Variants in COL7A1 observed in about 807,000 individuals in gnomAD.
The protein encoded by COL7A1 is collagen type VII alpha 1 chain.
Under a neutral mutation model 456.2 loss-of-function variants are expected in COL7A1, and 296 were observed. That is an observed-to-expected ratio of 0.65 (90% confidence interval 0.59 to 0.71). The LOEUF is 0.71. COL7A1 is among the 30% of genes least tolerant of loss of function. The probability of loss-of-function intolerance (pLI) is 0.00; values close to 1 mark genes in which losing one functional copy is unlikely to be tolerated. For synonymous variants in COL7A1, 1,464 were observed against 1,525.9 expected (o/e 0.96, Z 0.95); for missense variants, 3,441 against 4,017.2 (o/e 0.86, Z 3.88).
In COL7A1 at chr3:48,571,378, T is replaced by C. The variant is rs1449765608; in HGVS notation, c.7069-100A>G. The C allele has an allele frequency of 6.9e-7, 1 of 1,453,832 alleles. No homozygotes were observed. The highest frequency in any genetic ancestry group is 9.6e-7 in the Non-Finnish European group (1 of 1,042,510). The allele number at this position is 1,453,832 out of a possible 1,614,324, so 90.1% of individuals were successfully genotyped here. A position where few individuals can be genotyped will look rare whatever the true frequency, so the allele number is the denominator to read the frequency against. ...TCCCAGGGGAGTTCTGATGTGACCA[T>C]GAACACATGGGAACTCAGACATGCG... On this transcript the variant is annotated intron_variant, in intron 92 of 118. Coordinates refer to ENST00000681320, the MANE Select transcript of COL7A1 (RefSeq NM_000094.4). The surrounding 1 kb of genome is among the most constrained non-coding windows in gnomAD (Gnocchi z 4.6).
rs2045837060 is a variant in COL7A1 at position 48,593,204 on chromosome 3, A to C, written c.580T>G (p.Phe194Val). The change falls in exon 6 of 119, where the codon TTC becomes GTC. Residue 194 changes from phenylalanine (F) to valine (V), a missense_variant. This residue lies in a region of COL7A1 where 913 missense variants were observed against 1,088.2 expected (regional missense o/e 0.84). Transcript: ENST00000681320. This position sits in a 1 kb window ranked among gnomAD's most constrained non-coding sequence, Gnocchi z 4.4. ...KRVASQPTSD[F>V]FFFVNDFSIL... ...CTGAAGTCATTGACGAAGAAGAAGA[A>C]GTCACTGGTGGGCTGTGAGGCAACT... The C allele has an allele frequency of 1.2e-6, 2 of 1,614,016 alleles. No individual in the cohort carries two copies. Among genetic ancestry groups the C allele is most frequent in the Non-Finnish European group, 1.7e-6 (2 of 1,180,024 alleles).
chr3:48,591,700 C>T lies in COL7A1; in HGVS notation c.1480G>A (p.Ala494Thr), dbSNP rs770343314. The change falls in exon 12 of 119, where the codon GCC becomes ACC. Residue 494 changes from alanine (A) to threonine (T), a missense_variant. Ala to Thr is a moderately conservative substitution (Grantham distance 58, BLOSUM62 0). Around this residue, in one of 3 missense-constraint regions of COL7A1, gnomAD observed 913 missense variants for 1,088.2 expected, o/e 0.84. Transcript: ENST00000681320. This position sits in a 1 kb window ranked among gnomAD's most constrained non-coding sequence, Gnocchi z 7.0. ...LYTLLEGHEV[A>T]TPATVVPTGP... is the part of the protein sequence containing the mutation. ...GTGGGAACCACGGTTGCAGGGGTGG[C>T]CACCTCGTGGCCCTCCAGCAGAGTG... The T allele has an allele frequency of 1.1e-5, 18 of 1,614,070 alleles. No homozygotes were observed. Among genetic ancestry groups the T allele is most frequent in the Non-Finnish European group, 1.5e-5 (18 of 1,180,010 alleles).
In COL7A1 at chr3:48,583,292, C is replaced by T; in HGVS notation, c.4437+101G>A. 1 of 1,606,822 alleles carries T rather than the reference C, an allele frequency of 6.2e-7. No homozygotes were observed. The highest frequency in any genetic ancestry group is 8.5e-7 in the Non-Finnish European group (1 of 1,174,688). ...CCCCCTCCAAAACCACGACCTCTGACCTGGAGGGAACTCTTATCTCCTTAT... is the reference window on the plus strand; with the variant it reads ...CCCCCTCCAAAACCACGACCTCTGATCTGGAGGGAACTCTTATCTCCTTAT... On this transcript the variant is annotated intron_variant, in intron 42 of 118. Transcript: ENST00000681320. This position sits in a 1 kb window ranked among gnomAD's most constrained non-coding sequence, Gnocchi z 5.1.
rs766585624 is a variant in COL7A1 at position 48,566,746 on chromosome 3, C to T, written c.8227-9G>A. The T allele has an allele frequency of 1.1e-5, 17 of 1,613,472 alleles. No individual in the cohort carries two copies. The highest frequency in any genetic ancestry group is 1.7e-5 in the Admixed American group (1 of 59,998). On this transcript the variant is annotated splice_polypyrimidine_tract_variant and intron_variant, in intron 111 of 118. Transcript: ENST00000681320. This position sits in a 1 kb window ranked among gnomAD's most constrained non-coding sequence, Gnocchi z 5.9. The stretch of plus-strand genomic sequence containing the variant: ...GGGGGACCTCGCTCACCCTGTCAGA[C>T]ACAGGGACCAAGTGAGCAGGGTCAG...
Position 48,590,589 on chromosome 3 carries a change from G to A in COL7A1, c.1781-5C>T. ...CAGCAAGTGGAGTTTCCGGCTCTAG[G>A]AGTTACAGACAGAAGTCAGAAGTCA... is the stretch of plus-strand genomic sequence containing the variant. On this transcript the variant is annotated splice_region_variant and splice_polypyrimidine_tract_variant and intron_variant, in intron 14 of 118. Coordinates refer to ENST00000681320, the MANE Select transcript of COL7A1 (RefSeq NM_000094.4). This position sits in a 1 kb window ranked among gnomAD's most constrained non-coding sequence, Gnocchi z 4.6. The A allele has an allele frequency of 3.1e-6, 5 of 1,614,100 alleles. No individual in the cohort carries two copies. Among genetic ancestry groups the A allele is most frequent in the Non-Finnish European group, 4.2e-6 (5 of 1,180,030 alleles).
In COL7A1 at chr3:48,564,156, A is replaced by T; in HGVS notation, c.*250T>A. On this transcript the variant is annotated 3_prime_UTR_variant, in exon 119 of 119. Transcript: ENST00000681320. This position sits in a 1 kb window ranked among gnomAD's most constrained non-coding sequence, Gnocchi z 6.0. Reference sequence around the variant, plus strand: ...TGGGTCAAGGGGCGGGTCAGACGCCAGTCACATCCGCTCACTGCCCACAGC... The same window carrying T: ...TGGGTCAAGGGGCGGGTCAGACGCCTGTCACATCCGCTCACTGCCCACAGC... The T allele has an allele frequency of 1.7e-6, 1 of 595,702 alleles. No individual in the cohort carries two copies. Among genetic ancestry groups the T allele is most frequent in the South Asian group, 1.8e-5 (1 of 54,644 alleles). The allele number at this position is 595,702 out of a possible 1,614,324, so 36.9% of individuals were successfully genotyped here.
chr3:48,593,798 T>C lies in COL7A1; in HGVS notation c.267-102A>G. ...TGAGGGTTACGGGTATCAGGCTCTC[T>C]TGAGGGGTCCCTTCGTTCTGTCATT... On this transcript the variant is annotated intron_variant, in intron 3 of 118. Transcript: ENST00000681320. This position sits in a 1 kb window ranked among gnomAD's most constrained non-coding sequence, Gnocchi z 4.4. 1 of 1,398,814 alleles carries C rather than the reference T, an allele frequency of 7.1e-7. No homozygotes were observed. Among genetic ancestry groups the C allele is most frequent in the Non-Finnish European group, 1.0e-6 (1 of 986,910 alleles). The allele number at this position is 1,398,814 out of a possible 1,614,324, so 86.7% of individuals were successfully genotyped here.
Position 48,572,396 on chromosome 3 carries a change from T to C in COL7A1, c.6962A>G (p.Asp2321Gly). The C allele has an allele frequency of 1.1e-5, 18 of 1,613,938 alleles. No individual in the cohort carries two copies. The highest frequency in any genetic ancestry group is 1.4e-5 in the Non-Finnish European group (17 of 1,179,978). ...EKGAPGGLAGDLVGEPGAKGD... is the reference protein window; with the variant it reads ...EKGAPGGLAGGLVGEPGAKGD... ...CCTACTTACCGGCTCACCCACCAGG[T>C]CTCCAGCAAGGCCTCCAGGGGCTCC... Residue 2321 changes from aspartate to glycine, a missense_variant, in exon 90 of 119, where the codon GAC (aspartate) becomes GGC (glycine). By Grantham distance (94) the Asp-to-Gly change is moderately conservative. Transcript: ENST00000681320. This position sits in a 1 kb window ranked among gnomAD's most constrained non-coding sequence, Gnocchi z 4.6.
chr3:48,580,130 C>T lies in COL7A1; in HGVS notation c.5098-73G>A. 6.3e-7 allele frequency: 1 copy of T among 1,590,674 alleles called. No homozygotes were observed. The highest frequency in any genetic ancestry group is 1.7e-5 in the Admixed American group (1 of 58,544). On this transcript the variant is annotated intron_variant, in intron 56 of 118. Transcript: ENST00000681320. This position sits in a 1 kb window ranked among gnomAD's most constrained non-coding sequence, Gnocchi z 4.5. ...CCATGGCTCTGGTTTGCCCCAGGCT[C>T]AACTCTGCCCCCAAGTTCCCCGAAG...
Position 48,566,513 on chromosome 3 carries a change from C to T in COL7A1, c.8355G>A (p.Leu2785=), listed in dbSNP as rs2107631218. The change falls in exon 113 of 119, where the codon CTG becomes CTA. Residue 2785 remains leucine (L), a synonymous_variant. Transcript: ENST00000681320. This position sits in a 1 kb window ranked among gnomAD's most constrained non-coding sequence, Gnocchi z 5.9. ...GCCCATCCAGGCCCACACTCACCGT[C>T]AGTGCAGCTTCTCCCTTCTCGCCTC... The part of the protein sequence containing the change: ...GPRGEKGEAA[L]TEDDIRGFVR... 1.9e-6 allele frequency: 3 copies of T among 1,614,080 alleles called. No homozygotes were observed. The highest frequency in any genetic ancestry group is 2.5e-6 in the Non-Finnish European group (3 of 1,180,018).
chr3:48,577,421 G>T (rs1408711701), intron 65 of COL7A1, among the ~76,000 whole-genome samples: 1 of 152,224 alleles, frequency 6.6e-6, no homozygotes, highest in African/African-American at 2.4e-5. Context: ...ATGGGCATGG[G>T]CTTATACATG....
chr3:48,584,983 C>G, intron 33 of COL7A1, 38 bp from the exon 34 acceptor site: 1 of 1,613,690 alleles, frequency 6.2e-7, no homozygotes, highest in Non-Finnish European at 8.5e-7. Flanking sequence ...GTCGGAGCCA[C>G]CCCACCCACT....
Position 48,585,047 on chromosome 3 carries a change from G to A in COL7A1, c.3964C>T (p.Pro1322Ser). 1 of 1,613,066 alleles carries A rather than the reference G, an allele frequency of 6.2e-7. No homozygotes were observed. Among genetic ancestry groups the A allele is most frequent in the Non-Finnish European group, 8.5e-7 (1 of 1,179,936 alleles). The change falls in exon 33 of 119, where the codon CCT (proline) becomes TCT (serine). Residue 1322 changes from proline to serine, a missense_variant. This residue lies in a region of COL7A1 where 2,084 missense variants were observed against 2,501.3 expected (regional missense o/e 0.83). Transcript: ENST00000681320. This position sits in a 1 kb window ranked among gnomAD's most constrained non-coding sequence, Gnocchi z 4.5. ...CAAGGCTTGCTCACCTTTAGGCCAG[G>A]GGCTCCAGGGGTCCCAGGATTCCCG... ...RAGNPGTPGA[P>S]GLKGSPGLPG...
Position 48,565,006 on chromosome 3 carries a change from G to C in COL7A1, c.8621-26C>G. ...CTGGGCCAATGGGGTCAAGTCAGCA[G>C]GGTTTGTGGGAATCAGAGAGGGTTG... On this transcript the variant is annotated intron_variant, in intron 117 of 118. Coordinates refer to ENST00000681320, the MANE Select transcript of COL7A1 (RefSeq NM_000094.4). The surrounding 1 kb of genome is among the most constrained non-coding windows in gnomAD (Gnocchi z 4.5). 6.2e-7 allele frequency: 1 copy of C among 1,614,036 alleles called. No homozygotes were observed. The highest frequency in any genetic ancestry group is 2.2e-5 in the East Asian group (1 of 44,878).
Position 48,587,746 on chromosome 3 carries a change from G to A in COL7A1, c.2857+47C>T, listed in dbSNP as rs200080609. ...CAGAGTCGGGGTGCAGGAAGTCAGG[G>A]TGGGTCATCAGCAGGGGAGGAGCAC... On this transcript the variant is annotated intron_variant, in intron 22 of 118. Transcript: ENST00000681320. This position sits in a 1 kb window ranked among gnomAD's most constrained non-coding sequence, Gnocchi z 6.1. The A allele has an allele frequency of 6.9e-5, 112 of 1,613,144 alleles. No individual in the cohort carries two copies. Among genetic ancestry groups the A allele is most frequent in the Non-Finnish European group, 8.6e-5 (102 of 1,179,874 alleles).
Position 48,590,320 on chromosome 3 carries a change from G to C in COL7A1, c.1943C>G (p.Thr648Ser). 6.2e-7 allele frequency: 1 copy of C among 1,614,142 alleles called. No homozygotes were observed. Among genetic ancestry groups the C allele is most frequent in the Non-Finnish European group, 8.5e-7 (1 of 1,180,006 alleles). Reference protein sequence around the residue: ...ESSQTLPPDSTATDITGLQPG... With the variant: ...ESSQTLPPDSSATDITGLQPG... ...CTGCAGCCCTGTGATGTCTGTGGCAGTAGAGTCTGGGGGCAGTGTCTGGCT... is the reference window on the plus strand; with the variant it reads ...CTGCAGCCCTGTGATGTCTGTGGCACTAGAGTCTGGGGGCAGTGTCTGGCT... The change falls in exon 16 of 119, where the codon ACT (threonine) becomes AGT (serine). Residue 648 changes from threonine (T) to serine (S), a missense_variant. Physicochemically the swap from Thr to Ser is moderately conservative, Grantham distance 58 (BLOSUM62 1). This residue lies in a region of COL7A1 where 913 missense variants were observed against 1,088.2 expected (regional missense o/e 0.84). Transcript: ENST00000681320. This position sits in a 1 kb window ranked among gnomAD's most constrained non-coding sequence, Gnocchi z 4.6.
Position 48,573,281 on chromosome 3 carries a change from C to T in COL7A1, c.6651+35G>A, listed in dbSNP as rs1449476769. 1.2e-6 allele frequency: 2 copies of T among 1,614,032 alleles called. No homozygotes were observed. The highest frequency in any genetic ancestry group is 1.7e-6 in the Non-Finnish European group (2 of 1,180,024). On this transcript the variant is annotated intron_variant, in intron 84 of 118. Transcript: ENST00000681320. This position sits in a 1 kb window ranked among gnomAD's most constrained non-coding sequence, Gnocchi z 5.5. Reference sequence around the variant, plus strand: ...AGGGCAGTGCCAACCCCACCCATCTCCCTATGACCCTAACCTGTGAGCTAG... The same window carrying T: ...AGGGCAGTGCCAACCCCACCCATCTTCCTATGACCCTAACCTGTGAGCTAG...
chr3:48,575,568 G>T lies in COL7A1; in HGVS notation c.5980-29C>A. ...CAGGAGTGGAAGAGAGAATGCTGGT[G>T]GCTGTACAGCTACACCCCACTCCAC... On this transcript the variant is annotated intron_variant, in intron 73 of 118. Transcript: ENST00000681320. This position sits in a 1 kb window ranked among gnomAD's most constrained non-coding sequence, Gnocchi z 6.3. 1 of 1,612,480 alleles carries T rather than the reference G, an allele frequency of 6.2e-7. No homozygotes were observed.
At position 48,572,073 on chromosome 3, in the gene COL7A1, C is replaced by G; in HGVS notation, c.7024-28G>C. On this transcript the variant is annotated intron_variant, in intron 91 of 118. Transcript: ENST00000681320. This position sits in a 1 kb window ranked among gnomAD's most constrained non-coding sequence, Gnocchi z 4.6. ...GCACAGAATGGCAGGTGAGGGGTGTCTGGACTGAGCCTTCTCTGCTCAGTA... is the reference window on the plus strand; with the variant it reads ...GCACAGAATGGCAGGTGAGGGGTGTGTGGACTGAGCCTTCTCTGCTCAGTA... 2 of 1,612,902 alleles carry G rather than the reference C, an allele frequency of 1.2e-6. No homozygotes were observed. Among genetic ancestry groups the G allele is most frequent in the Non-Finnish European group, 1.7e-6 (2 of 1,179,590 alleles).
Sources: gnomAD v4.1 joint callset for allele counts (sites outside exome capture counted in the v4.1 genomes callset) on GRCh38, gnomAD v4.1.1 for gene constraint, gnomAD v4.1.1 regional missense constraint, Gnocchi (gnomAD v3.1) non-coding constraint, MANE v1.5 for transcripts, NCBI Gene and HGNC (gene_info 2026-07-23, HGNC 2026-07-21) for gene names.